Variants in CCDC47 observed in about 807,000 individuals in gnomAD.
The protein encoded by CCDC47 is coiled-coil domain containing 47, also known as PAT complex subunit CCDC47.
Under a neutral mutation model 60.5 loss-of-function variants are expected in CCDC47, and 41 were observed. That is an observed-to-expected ratio of 0.68 (90% CI 0.53 to 0.88). The LOEUF (loss-of-function observed/expected upper bound fraction) is 0.88. CCDC47 is among the 40% of genes least tolerant of loss of function. The pLI is 0.00. For synonymous variants in CCDC47, 195 were observed against 190.7 expected (o/e 1.02, Z -0.18); for missense variants, 513 against 580.9 (o/e 0.88, Z 1.20).
At position 63,746,962 on chromosome 17, in the gene CCDC47, C is replaced by CTAGAGAAAGAAGGGGTAATAAA. The variant is rs1427946010; in HGVS notation, c.1372-23_1372-2dup. 1 of 1,612,958 alleles carries CTAGAGAAAGAAGGGGTAATAAA rather than the reference C, an allele frequency of 6.2e-7. No homozygotes were observed. Among genetic ancestry groups the CTAGAGAAAGAAGGGGTAATAAA allele is most frequent in the Non-Finnish European group, 8.5e-7 (1 of 1,179,504 alleles). On this transcript the variant is annotated splice_acceptor_variant, in intron 12 of 12. Coordinates refer to ENST00000225726, the MANE Select transcript of CCDC47 (RefSeq NM_020198.3). LOFTEE classifies it high-confidence loss of function. ...TTTGCTCACGCCTCAATGCAGCCTC[C>CTAGAGAAAGAAGGGGTAATAAA]TAGAGAAAGAAGGGGTAATAAATAG...
chr17:63,757,096 C>G (rs2039213054), intron 6 of CCDC47, among the ~76,000 whole-genome samples: 2 of 150,836 alleles, frequency 1.3e-5, no homozygotes, highest in Admixed American at 6.6e-5. Context: ...CATGGTGGCT[C>G]ACACCTGTAA....
Position 63,759,534 on chromosome 17 carries a change from TA to T in CCDC47, c.735+1379del, listed in dbSNP as rs1568249151. ...ATATATATATATATATATTTATATATATATATATATATATATATATATATAT... is the reference window on the plus strand; with the variant it reads ...ATATATATATATATATATTTATATATTATATATATATATATATATATATAT... On this transcript the variant is annotated intron_variant, in intron 6 of 12. Transcript: ENST00000225726. Among the ~76,000 whole-genome samples the T allele has an allele frequency of 7.1e-4, 5 of 7,028 alleles. 1 individual carries two copies. The highest frequency in any genetic ancestry group is 2.9e-3 in the East Asian group (1 of 350). 4.6% of individuals were successfully genotyped at this position (7,028 alleles called of 152,430 possible).
intron 4 of CCDC47, among the ~76,000 whole-genome samples, chr17:63,762,956 C>T (rs571251516): frequency 6.6e-6 from 1 of 152,284 alleles, no homozygotes; most frequent in Admixed American, 6.5e-5. Flanking sequence ...GGGTCTCATT[C>T]TGTCACCCAG....
Position 63,753,301 on chromosome 17 carries a change from A to G in CCDC47, c.1035-502T>C, listed in dbSNP as rs16947069. On this transcript the variant is annotated intron_variant, in intron 9 of 12. Coordinates refer to ENST00000225726, the MANE Select transcript of CCDC47 (RefSeq NM_020198.3). ...AGATTCCTTTGTAATCTCTGCCTAT[A>G]TGAATCCTTTGACTATCAATTGCCC... 3,203 of 703,418 alleles carry G rather than the reference A, an allele frequency of 4.6e-3. 87 individuals are homozygous for G. In the African/African-American group the frequency reaches 0.058, roughly 13 times the overall value. 43.6% of individuals were successfully genotyped at this position (703,418 alleles called of 1,614,324 possible). A position where few individuals can be genotyped will look rare whatever the true frequency, so the allele number is the denominator to read the frequency against.
intron 1 of CCDC47, among the ~76,000 whole-genome samples, chr17:63,773,115 C>A (rs1047631941): frequency 6.6e-6 from 1 of 152,204 alleles, no homozygotes; most frequent in African/African-American, 2.4e-5. Context: ...AAACACGTTT[C>A]ATTTTAGAAA....
chr17:63,766,891 G>A, intron 1 of CCDC47: 1 of 981,522 alleles, frequency 1.0e-6, no homozygotes, highest in Non-Finnish European at 1.2e-6. Context: ...GTGGTAACAA[G>A]AATAATCCAT....
rs776670374 is a variant in CCDC47, at chr17:63,764,834, T to C, written c.278A>G (p.Glu93Gly). Residue 93 changes from glutamate to glycine, a missense_variant, in exon 3 of 13, where the codon GAG becomes GGG. Glu to Gly is a moderately conservative substitution (Grantham distance 98). Coordinates refer to ENST00000225726, the MANE Select transcript of CCDC47 (RefSeq NM_020198.3). ...EDADTQEGDT[E>G]SEPYDDEEFE... ...TTCTTCATCATCATATGGTTCACTC[T>C]CAGTATCTCCCTCCTACAAAAATGA... 1 of 1,612,132 alleles carries C rather than the reference T, an allele frequency of 6.2e-7. No individual in the cohort carries two copies. The highest frequency in any genetic ancestry group is 8.5e-7 in the Non-Finnish European group (1 of 1,179,464).
At chr17:63,759,536 T>A (rs866986368) in intron 6 of CCDC47, among the ~76,000 whole-genome samples, 342 of 10,150 alleles carry the variant, frequency 0.034, 93 homozygotes, top group African/African-American at 0.21. Flanking sequence ...TTTATATATA[T>A]ATATATATAT....
chr17:63,764,472 C>T (rs888631267), intron 3 of CCDC47, among the ~76,000 whole-genome samples: 1 of 152,108 alleles, frequency 6.6e-6, no homozygotes, highest in African/African-American at 2.4e-5. Context: ...ATGTACTGTA[C>T]ATCACCAAGG....
intron 9 of CCDC47, chr17:63,753,784 C>T (rs539698701): frequency 1.1e-5 from 2 of 178,586 alleles, no homozygotes; most frequent in East Asian, 3.8e-4. Context: ...ATAAGTCAAA[C>T]ATCACACACA....
chr17:63,754,308 G>A (rs1169868281), intron 9 of CCDC47, 125 bp downstream of exon 9: 9 of 665,200 alleles, frequency 1.4e-5, no homozygotes, highest in African/African-American at 5.5e-5. Flanking sequence ...AAAGGAAAAT[G>A]TGGAGGCCTG....
At chr17:63,763,991 C>T in intron 4 of CCDC47, 25 bp downstream of exon 4, 1 of 1,551,974 alleles carries the variant, frequency 6.4e-7, no homozygotes, top group Non-Finnish European at 8.7e-7. Flanking sequence ...AAGCAAGAAG[C>T]TGGGCTGACA....
intron 12 of CCDC47, chr17:63,751,709 T>G: frequency 1.7e-6 from 1 of 584,890 alleles, no homozygotes; most frequent in East Asian, 2.8e-5. Flanking sequence ...GAAATTGTGC[T>G]GGGGGAACAG....
At chr17:63,753,666 T>C (rs2039183421) in intron 9 of CCDC47, 2 of 978,446 alleles carry the variant, frequency 2.0e-6, no homozygotes, top group South Asian at 4.7e-5. Context: ...AGAAACCCTA[T>C]GGACATTGTG....
At chr17:63,770,648 GTTA>G (rs1568253003) in intron 1 of CCDC47, among the ~76,000 whole-genome samples, 1 of 152,052 alleles carries the variant, frequency 6.6e-6, no homozygotes, top group Non-Finnish European at 1.5e-5. Flanking sequence ...AATATCGAAG[GTTA>G]TTGTCGAATG....
intron 12 of CCDC47, 136 bp from the exon 13 acceptor site, chr17:63,747,097 C>A (rs543581051): frequency 4.3e-6 from 6 of 1,383,162 alleles, no homozygotes; most frequent in Non-Finnish European, 5.6e-6. Flanking sequence ...AGGCTTGCAC[C>A]ATAACATTCT....
chr17:63,762,057 T>A, intron 4 of CCDC47: 5 of 977,334 alleles, frequency 5.1e-6, no homozygotes, highest in Non-Finnish European at 6.1e-6. Context: ...CTATGTCTCC[T>A]ATGAATTAAC....
In CCDC47 at chr17:63,751,086, C is replaced by T. The variant is rs184999996; in HGVS notation, c.1371+854G>A. On this transcript the variant is annotated intron_variant, in intron 12 of 12. Transcript: ENST00000225726. ...GTAGAGACAAGGTCTCATGATGTTGCCCAGGCTTGTTTTGAACTCCTGGGC... is the reference window on the plus strand; with the variant it reads ...GTAGAGACAAGGTCTCATGATGTTGTCCAGGCTTGTTTTGAACTCCTGGGC... 5.3e-3 allele frequency among the ~76,000 whole-genome samples: 800 copies of T among 150,224 alleles called. 6 individuals are homozygous for T. The highest frequency in any genetic ancestry group is 0.018 in the African/African-American group (731 of 40,934).
In CCDC47 at chr17:63,759,536, T is replaced by C. The variant is rs866986368; in HGVS notation, c.735+1378A>G. Reference sequence around the variant, plus strand: ...ATATATATATATATATTTATATATATATATATATATATATATATATATATA... The same window carrying C: ...ATATATATATATATATTTATATATACATATATATATATATATATATATATA... On this transcript the variant is annotated intron_variant, in intron 6 of 12. Transcript: ENST00000225726. Among the ~76,000 whole-genome samples the C allele has an allele frequency of 2.0e-3, 20 of 10,162 alleles. 3 individuals carry two copies. Among genetic ancestry groups the C allele is most frequent in the South Asian group, 0.01 (3 of 294 alleles). 6.7% of individuals were successfully genotyped at this position (10,162 alleles called of 152,430 possible).
Sources: gnomAD v4.1 joint callset for allele counts (sites outside exome capture counted in the v4.1 genomes callset) on GRCh38, gnomAD v4.1.1 for gene constraint, MANE v1.5 for transcripts, NCBI Gene and HGNC (gene_info 2026-07-23, HGNC 2026-07-21) for gene names.